SLC2A11: variants seen among roughly 807,000 people sequenced by gnomAD.
The protein encoded by SLC2A11 is solute carrier family 2 member 11.
In SLC2A11, 43 loss-of-function variants were observed where a neutral mutation model predicts 52.1. That is an observed-to-expected ratio of 0.82 (90% CI 0.65 to 1.06). SLC2A11 has a LOEUF of 1.06. Among genes scored for constraint, SLC2A11 ranks in the 50% least tolerant of loss-of-function variants. The pLI, the probability that SLC2A11 is intolerant of heterozygous loss-of-function variation, is 0.00. For synonymous variants in SLC2A11, 261 were observed against 277.6 expected (o/e 0.94, Z 0.59); for missense variants, 582 against 654.2 (o/e 0.89, Z 1.20).
At chr22:23,882,930 G>A in intron 8 of SLC2A11, 61 bp downstream of exon 8, 1 of 1,427,542 alleles carries the variant, frequency 7.0e-7, no homozygotes, top group Non-Finnish European at 9.7e-7. Context: ...CAGGTCCTCT[G>A]CATTAAACCA....
chr22:23,879,958 C>A (rs1250426664), intron 6 of SLC2A11, among the ~76,000 whole-genome samples: 2 of 152,162 alleles, frequency 1.3e-5, no homozygotes, highest in Non-Finnish European at 2.9e-5. Context: ...CGCCAGCTCA[C>A]GCCTGTAATC....
rs1201173973 is a variant in SLC2A11, at chr22:23,875,075, T to C, written c.291-42T>C. On this transcript the variant is annotated intron_variant, in intron 3 of 11. Coordinates refer to ENST00000316185, the MANE Select transcript of SLC2A11 (RefSeq NM_001024939.4). Reference sequence around the variant, plus strand: ...GTCCCCAGGGATGGTCCCGCTGGACTGAATCACAGCCTCTCTTTCTGTGTG... The same window carrying C: ...GTCCCCAGGGATGGTCCCGCTGGACCGAATCACAGCCTCTCTTTCTGTGTG... The C allele has an allele frequency of 2.7e-6, 4 of 1,502,544 alleles. No individual in the cohort carries two copies. In the African/African-American group the frequency reaches 4.2e-5, roughly 16 times the overall value. The allele number at this position is 1,502,544 out of a possible 1,614,324, so 93.1% of individuals were successfully genotyped here. A position where few individuals can be genotyped will look rare whatever the true frequency, so the allele number is the denominator to read the frequency against.
At position 23,884,030 on chromosome 22, in the gene SLC2A11, TG is replaced by T; in HGVS notation, c.1171+9del. ...CAGCTTTGGCATTGGCCCTGGTGAG[TG>T]GGCCCAAGGGGCTCTGGGCATCCAT... On this transcript the variant is annotated splice_region_variant and intron_variant, in intron 10 of 11. Transcript: ENST00000316185. The surrounding 1 kb of genome is among the most constrained non-coding windows in gnomAD (Gnocchi z 4.3). The T allele has an allele frequency of 1.9e-6, 3 of 1,611,450 alleles. No individual in the cohort carries two copies. The highest frequency in any genetic ancestry group is 1.7e-6 in the Non-Finnish European group (2 of 1,179,272).
In SLC2A11 at chr22:23,877,875, T is replaced by A; in HGVS notation, c.694+6T>A. 1 of 1,606,750 alleles carries A rather than the reference T, an allele frequency of 6.2e-7. No individual in the cohort carries two copies. The highest frequency in any genetic ancestry group is 8.5e-7 in the Non-Finnish European group (1 of 1,176,430). ...CACCGAGGCCTGCCTGGCAGGTGAG[T>A]CTCTGTCCTTGGGCTCCCAGACTGC... On this transcript the variant is annotated splice_donor_region_variant and intron_variant, in intron 6 of 11. Transcript: ENST00000316185.
At chr22:23,874,581 C>T (rs943137215) in intron 3 of SLC2A11, among the ~76,000 whole-genome samples, 1 of 152,030 alleles carries the variant, frequency 6.6e-6, no homozygotes, top group Non-Finnish European at 1.5e-5. Flanking sequence ...TCTCGAGTAG[C>T]TGGGATTACA....
intron 2 of SLC2A11, 70 bp downstream of exon 2, chr22:23,862,272 G>C: frequency 6.9e-7 from 1 of 1,456,216 alleles, no homozygotes. Context: ...CCCACTGAGG[G>C]GCTTCAGCCA....
At chr22:23,881,954 AC>A (rs2032815188) in intron 6 of SLC2A11, 1 of 41,114 alleles carries the variant, frequency 2.4e-5, no homozygotes, top group African/African-American at 1.1e-4. Context: ...AGAGAGAGAA[AC>A]ACACACACAC....
At chr22:23,856,983 C>T, upstream of SLC2A11, 3 of 1,610,746 alleles carry the variant, frequency 1.9e-6, no homozygotes, top group South Asian at 1.1e-5. Context: ...GAGAGCGCTC[C>T]GAAGACTGGT....
At position 23,884,887 on chromosome 22, in the gene SLC2A11, C is replaced by A. The variant is rs758655353; in HGVS notation, c.*38C>A. 1 of 1,576,354 alleles carries A rather than the reference C, an allele frequency of 6.3e-7. No homozygotes were observed. The highest frequency in any genetic ancestry group is 1.7e-5 in the Admixed American group (1 of 58,584). ...GGCCAGAGCCAAAGCCAGCTACTGT[C>A]CTGTCCTCTGCTTCCTGCCAGGGCC... On this transcript the variant is annotated 3_prime_UTR_variant, in exon 12 of 12. Transcript: ENST00000316185. This position sits in a 1 kb window ranked among gnomAD's most constrained non-coding sequence, Gnocchi z 4.3.
At chr22:23,873,220 CTA>C (rs1462428094) in intron 3 of SLC2A11, 1 of 151,900 alleles carries the variant, frequency 6.6e-6, no homozygotes, top group African/African-American at 2.4e-5. Flanking sequence ...CGGGGTTTCA[CTA>C]TGTTGGTCAG....
chr22:23,857,283 G>A (rs1360419760), upstream of SLC2A11: 3 of 817,804 alleles, frequency 3.7e-6, no homozygotes, highest in African/African-American at 3.4e-5. Context: ...GCAAAGGAGG[G>A]GGACGAGGGG....
At position 23,885,068 on chromosome 22, in the gene SLC2A11, A is replaced by C. The variant is rs916642781; in HGVS notation, c.*219A>C. On this transcript the variant is annotated 3_prime_UTR_variant, in exon 12 of 12. Coordinates refer to ENST00000316185, the MANE Select transcript of SLC2A11 (RefSeq NM_001024939.4). ...ACAGAAAATCAGTAACAACATAATT[A>C]CAGGCTGGTTGTGGCAGCTCATGAC... 3 of 566,280 alleles carry C rather than the reference A, an allele frequency of 5.3e-6. No individual in the cohort carries two copies. The highest frequency in any genetic ancestry group is 9.4e-6 in the Non-Finnish European group (3 of 320,726). 35.1% of individuals were successfully genotyped at this position (566,280 alleles called of 1,614,324 possible). A position where few individuals can be genotyped will look rare whatever the true frequency, so the allele number is the denominator to read the frequency against.
At chr22:23,883,607 T>G in intron 8 of SLC2A11, 165 bp from the exon 9 acceptor site, 1 of 557,826 alleles carries the variant, frequency 1.8e-6, no homozygotes, top group Non-Finnish European at 3.0e-6. Flanking sequence ...TGAAGTTGGG[T>G]GATTGATTGA....
At chr22:23,882,385 A>T (rs966369159) in intron 6 of SLC2A11, 74 bp from the exon 7 acceptor site, 8 of 1,312,528 alleles carry the variant, frequency 6.1e-6, no homozygotes, top group East Asian at 2.5e-5. Flanking sequence ...GGTGGGATGG[A>T]GGGGGGCGTC....
chr22:23,857,819 A>C (rs2031904348), upstream of SLC2A11: 28 of 1,470,612 alleles, frequency 1.9e-5, 1 homozygote, highest in South Asian at 3.8e-4. Flanking sequence ...CTTGCGCTAC[A>C]GCTTCGTCTC....
At chr22:23,880,099 C>T (rs1272494322) in intron 6 of SLC2A11, among the ~76,000 whole-genome samples, 1 of 151,300 alleles carries the variant, frequency 6.6e-6, no homozygotes, top group East Asian at 1.9e-4. Context: ...GTAGTCCCAG[C>T]TACTAGGGAG....
upstream of SLC2A11, chr22:23,857,641 C>T (rs561992813): frequency 5.8e-5 from 67 of 1,156,038 alleles, no homozygotes; most frequent in African/African-American, 9.7e-4. Flanking sequence ...CACCCCCAGC[C>T]CTTCTTAAAA....
intron 2 of SLC2A11, 90 bp downstream of exon 2, chr22:23,862,292 T>C (rs1349777023): frequency 8.3e-6 from 10 of 1,207,448 alleles, no homozygotes; most frequent in Non-Finnish European, 1.2e-5. Context: ...AGGCATCCAC[T>C]AGGTGGCACT....
At chr22:23,858,149 T>C (rs1318736747) in intron 1 of SLC2A11, 120 bp downstream of exon 1, 1 of 1,400,400 alleles carries the variant, frequency 7.1e-7, no homozygotes, top group Non-Finnish European at 9.9e-7. Context: ...TTCAAAAATA[T>C]CGTGCTTGTA....
Sources: gnomAD v4.1 joint callset for allele counts (sites outside exome capture counted in the v4.1 genomes callset) on GRCh38, gnomAD v4.1.1 for gene constraint, Gnocchi (gnomAD v3.1) non-coding constraint, MANE v1.5 for transcripts, NCBI Gene and HGNC (gene_info 2026-07-23, HGNC 2026-07-21) for gene names.